HBP1: variants seen among roughly 807,000 people sequenced by gnomAD.
HBP1 encodes HMG box-containing protein 1.
In HBP1, 20 loss-of-function variants were observed where a neutral mutation model predicts 62.6. That is an observed-to-expected ratio of 0.32 (90% confidence interval 0.22 to 0.46). The LOEUF (loss-of-function observed/expected upper bound fraction) is 0.46. Among genes scored for constraint, HBP1 ranks in the 20% least tolerant of loss-of-function variants. The probability of loss-of-function intolerance (pLI) is 1.00; values close to 1 mark genes in which losing one functional copy is unlikely to be tolerated. For missense variants in HBP1, 480 were observed against 611.8 expected (o/e 0.78, Z 2.27); for synonymous variants, 232 against 206.2 (o/e 1.12, Z -1.07).
rs1266469544 is a variant in HBP1 at position 107,189,436 on chromosome 7, G to A, written c.910G>A (p.Val304Ile). 2.5e-6 allele frequency: 4 copies of A among 1,604,250 alleles called. No homozygotes were observed. The South Asian group carries it at 4.5e-5, about 18-fold the overall frequency. Reference sequence around the variant, plus strand: ...GTGTAAGCTGGACCACCCTTTCTATGTTAAAAATAAAGGTAGGGCTTGAAT... The same window carrying A: ...GTGTAAGCTGGACCACCCTTTCTATATTAAAAATAAAGGTAGGGCTTGAAT... The part of the protein sequence containing the change: ...VECKLDHPFY[V>I]KNKGWSSFYP... Residue 304 changes from valine to isoleucine, a missense_variant, in exon 7 of 11, where the codon GTT becomes ATT. Physicochemically the swap from Val to Ile is conservative, Grantham distance 29 (BLOSUM62 3). This residue lies in a region of HBP1 where 58 missense variants were observed against 128.5 expected (regional missense o/e 0.45). Coordinates refer to ENST00000222574, the MANE Select transcript of HBP1 (RefSeq NM_012257.4).
intron 3 of HBP1, among the ~76,000 whole-genome samples, chr7:107,183,739 C>G (rs1350000671): frequency 6.6e-6 from 1 of 151,870 alleles, no homozygotes; most frequent in Non-Finnish European, 1.5e-5. Flanking sequence ...TGAGTAAACC[C>G]TTCAGAAGAA....
chr7:107,197,494 G>A (rs1404372903), intron 9 of HBP1, among the ~76,000 whole-genome samples: 1 of 152,032 alleles, frequency 6.6e-6, no homozygotes, highest in Non-Finnish European at 1.5e-5. Context: ...TCAGCCACCC[G>A]AGTAGCTGGG....
intron 1 of HBP1, among the ~76,000 whole-genome samples, chr7:107,170,674 T>C (rs552758823): frequency 5.2e-4 from 79 of 152,268 alleles, no homozygotes; most frequent in Non-Finnish European, 9.3e-4. Flanking sequence ...AATTATAGAA[T>C]GAAGTTTTGA....
intron 1 of HBP1, chr7:107,169,844 A>G: frequency 2.0e-6 from 2 of 984,030 alleles, no homozygotes; most frequent in Non-Finnish European, 2.4e-6. Flanking sequence ...GAATGGCGAA[A>G]GAGGGTGGGG....
At chr7:107,171,735 C>T (rs183302965) in intron 1 of HBP1, among the ~76,000 whole-genome samples, 2 of 151,792 alleles carry the variant, frequency 1.3e-5, no homozygotes, top group Non-Finnish European at 2.9e-5. Flanking sequence ...TGGCGCACAC[C>T]TGTAGTCCCA....
Position 107,200,045 on chromosome 7 carries a change from T to C in HBP1, c.1386-115T>C, listed in dbSNP as rs185294639. On this transcript the variant is annotated intron_variant, in intron 9 of 10. Transcript: ENST00000222574. ...CCTTGACCTTTTCCCATCTCTGTGA[T>C]AGACAAGATTTTCATCTTTTTTAAC... 6.1e-4 allele frequency: 481 copies of C among 783,158 alleles called. 2 individuals carry two copies. The highest frequency in any genetic ancestry group is 8.0e-4 in the Non-Finnish European group (412 of 512,622). The allele number at this position is 783,158 out of a possible 1,614,324, so 48.5% of individuals were successfully genotyped here. A position where few individuals can be genotyped will look rare whatever the true frequency, so the allele number is the denominator to read the frequency against.
At chr7:107,191,186 A>G (rs540578252) in intron 8 of HBP1, among the ~76,000 whole-genome samples, 2 of 152,338 alleles carry the variant, frequency 1.3e-5, no homozygotes, top group African/African-American at 4.8e-5. Context: ...TATGTTTTAT[A>G]TATCATGAGG....
intron 4 of HBP1, among the ~76,000 whole-genome samples, 189 bp from the exon 5 acceptor site, chr7:107,186,166 CTTTTTT>C (rs80124304): frequency 1.7e-5 from 2 of 116,138 alleles, no homozygotes; most frequent in Non-Finnish European, 3.6e-5. Context: ...CTTTTTTTTT[CTTTTTT>C]TTTTTTTTTT....
In HBP1 at chr7:107,198,790, C is replaced by T. The variant is rs374150517; in HGVS notation, c.1386-1370C>T. On this transcript the variant is annotated intron_variant, in intron 9 of 10. Coordinates refer to ENST00000222574, the MANE Select transcript of HBP1 (RefSeq NM_012257.4). The stretch of plus-strand genomic sequence containing the variant: ...AATGTCCATCTGGATGTAACATTCA[C>T]TGCAGAAATAATCTTTAGATGTGTA... Among the ~76,000 whole-genome samples the T allele has an allele frequency of 9.8e-5, 15 of 152,332 alleles. No individual in the cohort carries two copies. In the East Asian group the frequency reaches 2.7e-3, roughly 27 times the overall value.
In HBP1 at chr7:107,169,790, C is replaced by T. The variant is rs368726471; in HGVS notation, c.-16+605C>T. On this transcript the variant is annotated intron_variant, in intron 1 of 10. Coordinates refer to ENST00000222574, the MANE Select transcript of HBP1 (RefSeq NM_012257.4). ...CCGAGGGGAAAAACAAGCCCGGAGT[C>T]CGGGCTGCGGTCACATGATGGGGGG... The T allele has an allele frequency of 3.1e-5, 31 of 984,782 alleles. 1 individual carries two copies. In the South Asian group the frequency reaches 1.2e-3, roughly 37 times the overall value. 61.0% of individuals were successfully genotyped at this position (984,782 alleles called of 1,614,324 possible). A position where few individuals can be genotyped will look rare whatever the true frequency, so the allele number is the denominator to read the frequency against.
At position 107,169,397 on chromosome 7, in the gene HBP1, C is replaced by T. The variant is rs1308863076; in HGVS notation, c.-16+212C>T. 2.5e-4 allele frequency among the ~76,000 whole-genome samples: 32 copies of T among 128,352 alleles called. 1 individual carries two copies. Among genetic ancestry groups the T allele is most frequent in the African/African-American group, 9.2e-4 (31 of 33,550 alleles). 84.2% of individuals were successfully genotyped at this position (128,352 alleles called of 152,430 possible). A position where few individuals can be genotyped will look rare whatever the true frequency, so the allele number is the denominator to read the frequency against. On this transcript the variant is annotated intron_variant, in intron 1 of 10. Coordinates refer to ENST00000222574, the MANE Select transcript of HBP1 (RefSeq NM_012257.4). ...GCTCACCTGGGCTTCGGGGCGGCGG[C>T]GCTAGGGGGTCTCGGGCGGGGGCCG...
rs774665382 is a variant in HBP1, at chr7:107,201,418, CACA to C, written c.1539_1541del (p.Gln513del). On this transcript the variant is annotated inframe_deletion, in exon 11 of 11. Coordinates refer to ENST00000222574, the MANE Select transcript of HBP1 (RefSeq NM_012257.4). ...AGTTTAATTTTATTTCCACAGGGCT[CACA>C]ACAACATTAAACCAGGATGCTTATG... The C allele has an allele frequency of 1.3e-4, 207 of 1,575,982 alleles. 1 individual carries two copies. Among genetic ancestry groups the C allele is most frequent in the Middle Eastern group, 8.4e-4 (5 of 5,972 alleles).
chr7:107,189,517 T>G, intron 7 of HBP1, 69 bp downstream of exon 7: 1 of 1,233,022 alleles, frequency 8.1e-7, no homozygotes. Flanking sequence ...ATTATGTCTG[T>G]AGCTTTGATG....
At chr7:107,193,905 T>G (rs936882959) in intron 8 of HBP1, among the ~76,000 whole-genome samples, 2 of 152,146 alleles carry the variant, frequency 1.3e-5, no homozygotes, top group Non-Finnish European at 2.9e-5. Flanking sequence ...TTGGAAGGAT[T>G]AAATAAGTTA....
At position 107,182,598 on chromosome 7, in the gene HBP1, A is replaced by G. The variant is rs1373211264; in HGVS notation, c.395A>G (p.Asn132Ser). ...CCACTGATGCAGTGCTCATTTTACA[A>G]TAGGTAGGAGCATTTATTATATTTT... The part of the protein sequence containing the change: ...QSPLMQCSFY[N>S]RSSPVHIIAT... Residue 132 changes from asparagine (N) to serine (S), a missense_variant, in exon 3 of 11, where the codon AAT becomes AGT. By Grantham distance (46) the Asn-to-Ser change is conservative. This residue lies in a region of HBP1 where 304 missense variants were observed against 330.9 expected (regional missense o/e 0.92). Transcript: ENST00000222574. 6.7e-7 allele frequency: 1 copy of G among 1,497,422 alleles called. No homozygotes were observed. Among genetic ancestry groups the G allele is most frequent in the Non-Finnish European group, 9.3e-7 (1 of 1,074,910 alleles). 92.8% of individuals were successfully genotyped at this position (1,497,422 alleles called of 1,614,324 possible).
chr7:107,176,472 A>G (rs973484428), intron 1 of HBP1, among the ~76,000 whole-genome samples: 2 of 152,196 alleles, frequency 1.3e-5, no homozygotes, highest in Non-Finnish European at 2.9e-5. Context: ...TGTACATAGT[A>G]TTTATTAAAT....
chr7:107,177,990 C>T lies in HBP1; in HGVS notation c.-15-1889C>T, dbSNP rs116133821. ...GTCATCGGTGTTTATTGGTAATTAA[C>T]ATCATGACTTAGAAAGCTTATAAAT... On this transcript the variant is annotated intron_variant, in intron 1 of 10. Transcript: ENST00000222574. Among the ~76,000 whole-genome samples the T allele has an allele frequency of 9.2e-3, 1,397 of 152,222 alleles. 15 individuals carry two copies. Among genetic ancestry groups the T allele is most frequent in the African/African-American group, 0.032 (1,334 of 41,524 alleles).
At position 107,185,837 on chromosome 7, in the gene HBP1, T is replaced by C; in HGVS notation, c.435T>C (p.Ser145=). 1 of 1,613,558 alleles carries C rather than the reference T, an allele frequency of 6.2e-7. No individual in the cohort carries two copies. Among genetic ancestry groups the C allele is most frequent in the Non-Finnish European group, 8.5e-7 (1 of 1,179,474 alleles). ...TACACATCATAGCCACTAGCAAAAG[T>C]TTACATTCCTATGCACGCCCTCCAC... ...SPVHIIATSK[S]LHSYARPPPV... Residue 145 remains serine (S), a synonymous_variant, in exon 4 of 11, where the codon AGT becomes AGC. Transcript: ENST00000222574.
chr7:107,186,166 CT>C (rs80124304), intron 4 of HBP1, among the ~76,000 whole-genome samples, 194 bp from the exon 5 acceptor site: 4,392 of 116,102 alleles, frequency 0.038, 72 homozygotes, highest in South Asian at 0.055. Context: ...CTTTTTTTTT[CT>C]TTTTTTTTTT....
Sources: allele counts gnomAD v4.1 joint callset (sites outside exome capture counted in the v4.1 genomes callset), GRCh38; gene constraint gnomAD v4.1.1; regional missense constraint gnomAD v4.1.1; transcripts MANE v1.5; gene names NCBI Gene and HGNC (gene_info 2026-07-23, HGNC 2026-07-21).